The following SCUBE2 variants were observed in gnomAD, a reference collection of about 807,000 sequenced individuals.
SCUBE2 encodes signal peptide, CUB domain and EGF like domain containing 2.
Under a neutral mutation model 125.9 loss-of-function variants are expected in SCUBE2, and 114 were observed. The ratio of observed to expected loss-of-function variants is 0.91; its 90% CI spans 0.78 to 1.06. The LOEUF is 1.06. Ranked by LOEUF, SCUBE2 falls within the 50% of genes least tolerant of loss-of-function variation. The probability of loss-of-function intolerance (pLI) is 0.00; values close to 1 mark genes in which losing one functional copy is unlikely to be tolerated. For missense variants in SCUBE2, 1,255 were observed against 1,301.8 expected, an observed-to-expected ratio of 0.96 and a Z score of 0.55; for synonymous variants, 459 against 492.9, an observed-to-expected ratio of 0.93 and a Z score of 0.91.
At chr11:9,084,139 G>A (rs1408368989) in intron 2 of SCUBE2, among the ~76,000 whole-genome samples, 2 of 152,180 alleles carry the variant, frequency 1.3e-5, no homozygotes, top group Admixed American at 1.3e-4. Context: ...TCTAGAGCAT[G>A]TTGTGGTACC....
At chr11:9,042,754 AC>A (rs1404570859) in intron 16 of SCUBE2, among the ~76,000 whole-genome samples, 13 of 152,314 alleles carry the variant, frequency 8.5e-5, no homozygotes, top group African/African-American at 3.1e-4. Flanking sequence ...TGCCAGGATC[AC>A]AGGCCACATC....
At chr11:9,034,308 G>T (rs1036584103) in intron 16 of SCUBE2, among the ~76,000 whole-genome samples, 4 of 152,198 alleles carry the variant, frequency 2.6e-5, no homozygotes, top group African/African-American at 4.8e-5. Flanking sequence ...AAGGGGGCAG[G>T]TTCTAAAAGT....
At chr11:9,056,927 A>C (rs1247439013) in intron 9 of SCUBE2, among the ~76,000 whole-genome samples, 1 of 152,236 alleles carries the variant, frequency 6.6e-6, no homozygotes, top group East Asian at 1.9e-4. Context: ...AAGAATGAAA[A>C]AGCAAAATAA....
At chr11:9,040,930 T>A (rs539776575) in intron 16 of SCUBE2, among the ~76,000 whole-genome samples, 1 of 152,354 alleles carries the variant, frequency 6.6e-6, no homozygotes, top group East Asian at 1.9e-4. Flanking sequence ...AAACTGCCTA[T>A]AAGGAGGCAC....
intron 17 of SCUBE2, 198 bp from the exon 18 acceptor site, chr11:9,031,123 C>G: frequency 1.8e-6 from 1 of 552,254 alleles, no homozygotes; most frequent in Non-Finnish European, 3.2e-6. Flanking sequence ...TGTTTACACA[C>G]AGGGCTACAC....
Position 9,059,294 on chromosome 11 carries a change from A to G in SCUBE2, c.1090+9T>C. 6.2e-7 allele frequency: 1 copy of G among 1,613,650 alleles called. No homozygotes were observed. The highest frequency in any genetic ancestry group is 1.1e-5 in the South Asian group (1 of 91,040). On this transcript the variant is annotated intron_variant, in intron 9 of 22. Transcript: ENST00000649792. ...CATTGCGCAGCACAGCTATGTTTTCAGCACATACCTTGGCAAGACTTCTCA... is the reference window on the plus strand; with the variant it reads ...CATTGCGCAGCACAGCTATGTTTTCGGCACATACCTTGGCAAGACTTCTCA...
intron 2 of SCUBE2, 65 bp from the exon 3 acceptor site, chr11:9,079,574 T>C: frequency 6.5e-7 from 1 of 1,531,054 alleles, no homozygotes. Context: ...CATATGCACT[T>C]ACCTCCAGCC....
chr11:9,072,793 C>T (rs1368472439), intron 4 of SCUBE2, among the ~76,000 whole-genome samples: 4 of 152,166 alleles, frequency 2.6e-5, no homozygotes, highest in Non-Finnish European at 4.4e-5. Context: ...ACTTCAAATA[C>T]TCTTTAGGGG....
rs1361211158 is a variant in SCUBE2 at position 9,091,531 on chromosome 11, A to G, written c.-3T>C. Reference sequence around the variant, plus strand: ...CGGTTGCGGCCCGCGACCCCCATGGATGGCTCAGCGGTTGCGGGCAGAGGC... The same window carrying G: ...CGGTTGCGGCCCGCGACCCCCATGGGTGGCTCAGCGGTTGCGGGCAGAGGC... On this transcript the variant is annotated 5_prime_UTR_variant, in exon 1 of 23. Coordinates refer to ENST00000649792, the MANE Select transcript of SCUBE2 (RefSeq NM_001367977.2). This position sits in a 1 kb window ranked among gnomAD's most constrained non-coding sequence, Gnocchi z 8.5. The G allele has an allele frequency of 2.6e-6, 2 of 763,734 alleles. No homozygotes were observed. The highest frequency in any genetic ancestry group is 4.7e-5 in the Admixed American group (1 of 21,352). 47.3% of individuals were successfully genotyped at this position (763,734 alleles called of 1,614,324 possible). A position where few individuals can be genotyped will look rare whatever the true frequency, so the allele number is the denominator to read the frequency against.
intron 2 of SCUBE2, among the ~76,000 whole-genome samples, chr11:9,089,130 C>G (rs937089138): frequency 7.2e-5 from 11 of 152,238 alleles, no homozygotes; most frequent in African/African-American, 2.7e-4. Flanking sequence ...GTTCTCAGAC[C>G]TGCAGCTCTA....
At chr11:9,055,094 C>T (rs1429302379) in intron 10 of SCUBE2, among the ~76,000 whole-genome samples, 1 of 152,092 alleles carries the variant, frequency 6.6e-6, no homozygotes, top group Admixed American at 6.5e-5. Context: ...GCCAGTGGTT[C>T]CCAAATCCTA....
At chr11:9,059,641 C>A (rs1000084338) in intron 8 of SCUBE2, 1 of 577,876 alleles carries the variant, frequency 1.7e-6, no homozygotes, top group African/African-American at 1.9e-5. Flanking sequence ...GTCTTGAGAA[C>A]GCTGACTTAT....
intron 4 of SCUBE2, among the ~76,000 whole-genome samples, chr11:9,070,821 T>C (rs925064650): frequency 7.2e-5 from 11 of 152,224 alleles, no homozygotes; most frequent in African/African-American, 2.7e-4. Context: ...CAAGGGTTAA[T>C]ATATCCCATA....
intron 16 of SCUBE2, among the ~76,000 whole-genome samples, chr11:9,044,865 C>G (rs574824858): frequency 1.3e-5 from 2 of 152,328 alleles, no homozygotes; most frequent in South Asian, 4.1e-4. Flanking sequence ...TCCTTTGCGT[C>G]TCTGCCCAAA....
chr11:9,051,204 ATCTAT>A (rs1566200401), intron 13 of SCUBE2, among the ~76,000 whole-genome samples: 213 of 148,348 alleles, frequency 1.4e-3, no homozygotes, highest in Admixed American at 0.01. Flanking sequence ...CTATCTATCT[ATCTAT>A]CTATCTATCT....
intron 2 of SCUBE2, among the ~76,000 whole-genome samples, chr11:9,084,091 T>C (rs1861873062): frequency 1.3e-5 from 2 of 152,190 alleles, no homozygotes; most frequent in African/African-American, 4.8e-5. Context: ...GGAGAAGCAG[T>C]TCATTCCAGG....
intron 16 of SCUBE2, among the ~76,000 whole-genome samples, chr11:9,038,593 T>C (rs1313010241): frequency 1.3e-5 from 2 of 152,066 alleles, no homozygotes; most frequent in Admixed American, 6.6e-5. Context: ...CCAGCCTGGG[T>C]GACAGAGCAA....
At chr11:9,075,194 G>A (rs1861119328) in intron 3 of SCUBE2, among the ~76,000 whole-genome samples, 1 of 131,492 alleles carries the variant, frequency 7.6e-6, no homozygotes, top group Non-Finnish European at 1.6e-5. Context: ...GCCTCAGAGC[G>A]AGACGCCATC....
In SCUBE2 at chr11:9,025,396, G is replaced by C. The variant is rs529925806; in HGVS notation, c.2854+306C>G. 18 of 248,918 alleles carry C rather than the reference G, an allele frequency of 7.2e-5. 1 individual carries two copies. The South Asian group carries it at 8.9e-4, about 12-fold the overall frequency. The allele number at this position is 248,918 out of a possible 1,614,324, so 15.4% of individuals were successfully genotyped here. A position where few individuals can be genotyped will look rare whatever the true frequency, so the allele number is the denominator to read the frequency against. On this transcript the variant is annotated intron_variant, in intron 21 of 22. Transcript: ENST00000649792. ...TCGCACATTAAGAACTTGAGGCTTA[G>C]AGATGGTGGCATACACAGTCACAGA...
Sources: allele counts gnomAD v4.1 joint callset (sites outside exome capture counted in the v4.1 genomes callset), GRCh38; gene constraint gnomAD v4.1.1; non-coding constraint Gnocchi (gnomAD v3.1); transcripts MANE v1.5; gene names NCBI Gene and HGNC (gene_info 2026-07-23, HGNC 2026-07-21).